The following KIAA1671 variants were observed in gnomAD, a reference collection of about 807,000 sequenced individuals.
The protein encoded by KIAA1671 is uncharacterized protein KIAA1671.
A neutral mutation model predicts 131.2 loss-of-function variants in KIAA1671; 52 were observed. The ratio of observed to expected loss-of-function variants is 0.40; its 90% CI spans 0.32 to 0.50. KIAA1671 has a LOEUF of 0.50. KIAA1671 is among the 20% of genes least tolerant of loss of function. The probability of loss-of-function intolerance (pLI) is 0.73; values close to 1 mark genes in which losing one functional copy is unlikely to be tolerated. For missense variants in KIAA1671, 2,360 were observed against 2,364.2 expected (o/e 1.00, Z 0.04); for synonymous variants, 1,003 against 961.6 (o/e 1.04, Z -0.80).
intron 6 of KIAA1671, chr22:25,055,278 G>GC (rs1927774195): frequency 6.7e-6 from 1 of 149,912 alleles, no homozygotes; most frequent in Admixed American, 6.6e-5. Context: ...TTGTGAGGTG[G>GC]CCCCCGCCCA....
intron 11 of KIAA1671, among the ~76,000 whole-genome samples, chr22:25,188,267 C>T (rs547189102): frequency 1.8e-4 from 28 of 152,078 alleles, no homozygotes; most frequent in African/African-American, 6.0e-4. Context: ...CGCCACTGCA[C>T]TGCAGCCTGG....
chr22:25,031,093 C>T (rs2145791537), intron 3 of KIAA1671, among the ~76,000 whole-genome samples: 1 of 152,168 alleles, frequency 6.6e-6, no homozygotes, highest in African/African-American at 2.4e-5. Flanking sequence ...GTGTTGCAAT[C>T]TCGGCCCACT....
Position 25,165,621 on chromosome 22 carries a change from A to G in KIAA1671, c.4531-5199A>G, listed in dbSNP as rs1933618754. Among the ~76,000 whole-genome samples, 3 of 152,316 alleles carry G rather than the reference A, an allele frequency of 2.0e-5. No individual in the cohort carries two copies. In the South Asian group the frequency reaches 6.2e-4, roughly 32 times the overall value. On this transcript the variant is annotated intron_variant, in intron 6 of 12. Coordinates refer to ENST00000358431, the MANE Select transcript of KIAA1671 (RefSeq NM_001145206.2). ...TAATGTCAATTTAAATTAAATTCAA[A>G]TAGTCATAAGTGGCTAGTGGCTACT...
At chr22:24,968,229 A>G (rs563607722) in intron 1 of KIAA1671, among the ~76,000 whole-genome samples, 2 of 152,314 alleles carry the variant, frequency 1.3e-5, no homozygotes, top group East Asian at 3.9e-4. Flanking sequence ...AGAAGGCAGC[A>G]AAAAGCATGG....
intron 3 of KIAA1671, among the ~76,000 whole-genome samples, chr22:25,032,408 G>A (rs1301075847): frequency 6.6e-6 from 1 of 152,242 alleles, no homozygotes; most frequent in Non-Finnish European, 1.5e-5. Context: ...GCACCTGGGT[G>A]TCTTCCCCCA....
At position 24,991,617 on chromosome 22, in the gene KIAA1671, C is replaced by T. The variant is rs555785682; in HGVS notation, c.-207-34016C>T. Among the ~76,000 whole-genome samples, 28 of 134,050 alleles carry T rather than the reference C, an allele frequency of 2.1e-4. No homozygotes were observed. The South Asian group carries it at 6.1e-3, about 29-fold the overall frequency. The allele number at this position is 134,050 out of a possible 152,430, so 87.9% of individuals were successfully genotyped here. A position where few individuals can be genotyped will look rare whatever the true frequency, so the allele number is the denominator to read the frequency against. On this transcript the variant is annotated intron_variant, in intron 1 of 12. Transcript: ENST00000358431. ...GACTACAGGCACGTGCCACCACGCCCGGCTAATTTTTTTTTTTTTTTTTTT... is the reference window on the plus strand; with the variant it reads ...GACTACAGGCACGTGCCACCACGCCTGGCTAATTTTTTTTTTTTTTTTTTT...
chr22:25,141,683 C>T (rs2145961679), intron 6 of KIAA1671, among the ~76,000 whole-genome samples: 1 of 152,258 alleles, frequency 6.6e-6, no homozygotes, highest in Middle Eastern at 3.4e-3. Context: ...TTTCTAACTA[C>T]CCTCCCCTAC....
chr22:24,975,035 TTAGTATATTCA>T (rs769626594), intron 1 of KIAA1671, among the ~76,000 whole-genome samples: 14 of 152,168 alleles, frequency 9.2e-5, no homozygotes, highest in Non-Finnish European at 1.8e-4. Flanking sequence ...TCAGTGGTTT[TTAGTATATTCA>T]TAGATATGTG....
At chr22:25,140,299 A>T (rs967661627) in intron 6 of KIAA1671, among the ~76,000 whole-genome samples, 9 of 151,812 alleles carry the variant, frequency 5.9e-5, no homozygotes, top group African/African-American at 1.7e-4. Flanking sequence ...GGGCTTTCTC[A>T]TGGCCATTTG....
In KIAA1671 at chr22:25,028,824, G is replaced by C. The variant is rs1026248106; in HGVS notation, c.825G>C (p.Thr275=). 1.7e-5 allele frequency: 27 copies of C among 1,550,848 alleles called. No homozygotes were observed. Among genetic ancestry groups the C allele is most frequent in the Middle Eastern group, 3.3e-4 (2 of 6,010 alleles). ...TGCCACCCACCCCTCCCGAGAAGAC[G>C]TGGGTGAGGAAGCCCAGGCCCTTGT... ...GKVPPTPPEK[T]WVRKPRPLSM... The change falls in exon 3 of 13, where the codon ACG becomes ACC. Residue 275 remains threonine (T), a synonymous_variant. Coordinates refer to ENST00000358431, the MANE Select transcript of KIAA1671 (RefSeq NM_001145206.2).
Position 25,041,070 on chromosome 22 carries a change from A to G in KIAA1671, c.3940A>G (p.Ile1314Val), listed in dbSNP as rs1926898166. Residue 1314 changes from isoleucine to valine, a missense_variant, in exon 5 of 13, where the codon ATA becomes GTA. This residue lies in a region of KIAA1671 where 1,161 missense variants were observed against 1,204.7 expected (regional missense o/e 0.96). Transcript: ENST00000358431. ...PSERYPGGSP[I>V]PADPRKKTGF... The stretch of plus-strand genomic sequence containing the variant: ...TGAAAGGTATCCAGGGGGCTCTCCT[A>G]TACCTGCGGATCCCAGGAAAAAAAC... 2 of 1,534,904 alleles carry G rather than the reference A, an allele frequency of 1.3e-6. No individual in the cohort carries two copies. Among genetic ancestry groups the G allele is most frequent in the African/African-American group, 2.8e-5 (2 of 72,592 alleles).
At position 25,028,467 on chromosome 22, in the gene KIAA1671, G is replaced by C; in HGVS notation, c.468G>C (p.Leu156=). 6.5e-7 allele frequency: 1 copy of C among 1,550,260 alleles called. No individual in the cohort carries two copies. ...LFETTKSGPA[L]GKAVSEGAEE... ...AAACCACCAAAAGCGGCCCCGCTCT[G>C]GGGAAGGCGGTTAGTGAGGGGGCGG... is the stretch of plus-strand genomic sequence containing the variant. Residue 156 remains leucine (L), a synonymous_variant, in exon 3 of 13, where the codon CTG becomes CTC. Transcript: ENST00000358431.
At chr22:25,105,387 A>G (rs889038593) in intron 6 of KIAA1671, among the ~76,000 whole-genome samples, 4 of 152,182 alleles carry the variant, frequency 2.6e-5, no homozygotes, top group Non-Finnish European at 4.4e-5. Context: ...CTCGCCTCAC[A>G]TTGTAAAAGA....
At chr22:25,082,870 A>T (rs1366865606) in intron 6 of KIAA1671, among the ~76,000 whole-genome samples, 1 of 152,340 alleles carries the variant, frequency 6.6e-6, no homozygotes, top group Admixed American at 6.5e-5. Context: ...CTGATATTTT[A>T]TATAGAAATT....
intron 6 of KIAA1671, among the ~76,000 whole-genome samples, chr22:25,126,470 G>A (rs911194804): frequency 2.6e-5 from 4 of 152,206 alleles, no homozygotes; most frequent in African/African-American, 7.2e-5. Flanking sequence ...GCGTACAAAG[G>A]TAGCCATGCT....
intron 4 of KIAA1671, among the ~76,000 whole-genome samples, chr22:25,035,005 G>A: frequency 6.6e-6 from 1 of 150,530 alleles, no homozygotes; most frequent in Non-Finnish European, 1.5e-5. Context: ...CCAAAGTGCT[G>A]GGACTACAGG....
Position 25,029,120 on chromosome 22 carries a change from C to A in KIAA1671, c.1121C>A (p.Ser374Ter). The stretch of plus-strand genomic sequence containing the variant: ...AGCCCCAGAGCCCTGGTGGGGGGCT[C>A]ATCTGGGGTCACCCCCAGCAATGAC... ...MGSPRALVGG[S>*]SGVTPSNDQS... Residue 374 changes from serine to a stop codon, truncating the protein, a stop_gained, in exon 3 of 13, where the codon TCA becomes TAA. Transcript: ENST00000358431. LOFTEE classifies it high-confidence loss of function. The A allele has an allele frequency of 6.8e-7, 1 of 1,463,808 alleles. No homozygotes were observed. The highest frequency in any genetic ancestry group is 9.0e-7 in the Non-Finnish European group (1 of 1,106,300). The allele number at this position is 1,463,808 out of a possible 1,614,324, so 90.7% of individuals were successfully genotyped here.
intron 6 of KIAA1671, among the ~76,000 whole-genome samples, chr22:25,083,923 G>A (rs913661465): frequency 6.6e-6 from 1 of 152,134 alleles, no homozygotes; most frequent in Non-Finnish European, 1.5e-5. Flanking sequence ...TGCCCTGACC[G>A]CCCCTATTTG....
At chr22:25,184,342 C>T (rs1359406593) in intron 10 of KIAA1671, among the ~76,000 whole-genome samples, 1 of 152,164 alleles carries the variant, frequency 6.6e-6, no homozygotes, top group East Asian at 1.9e-4. Context: ...TTTCTTGAGC[C>T]TGGTAGAGCA....
Sources: gnomAD v4.1 joint callset for allele counts (sites outside exome capture counted in the v4.1 genomes callset) on GRCh38, gnomAD v4.1.1 for gene constraint, gnomAD v4.1.1 regional missense constraint, MANE v1.5 for transcripts, NCBI Gene and HGNC (gene_info 2026-07-23, HGNC 2026-07-21) for gene names.